The following TP53I11 variants were observed in gnomAD, a reference collection of about 807,000 sequenced individuals.
TP53I11 encodes tumor protein p53-inducible protein 11.
Under a neutral mutation model 23.3 loss-of-function variants are expected in TP53I11, and 9 were observed. The ratio of observed to expected loss-of-function variants is 0.39; its 90% CI spans 0.23 to 0.67. The LOEUF is 0.67. Ranked by LOEUF, TP53I11 falls within the 30% of genes least tolerant of loss-of-function variation. TP53I11 has a pLI of 0.48. For missense variants in TP53I11, 170 were observed against 255.2 expected, an observed-to-expected ratio of 0.67 and a Z score of 2.27; for synonymous variants, 100 against 106.1, an observed-to-expected ratio of 0.94 and a Z score of 0.35.
intron 5 of TP53I11, 24 bp from the exon 6 acceptor site, chr11:44,935,686 G>A (rs532137217): frequency 1.2e-5 from 17 of 1,381,312 alleles, no homozygotes; most frequent in Admixed American, 1.8e-5. Flanking sequence ...TGAAAAGGGG[G>A]CTGGGGGTGG....
intron 5 of TP53I11, chr11:44,935,993 G>A (rs1199586210): frequency 2.4e-6 from 1 of 419,256 alleles, no homozygotes; most frequent in African/African-American, 2.0e-5. Flanking sequence ...GTTCTGTCAG[G>A]AGGATGCTGT....
At chr11:44,938,170 C>A (rs1457269374) in intron 2 of TP53I11, 37 bp downstream of exon 2, 2 of 1,597,416 alleles carry the variant, frequency 1.3e-6, no homozygotes, top group South Asian at 2.3e-5. Flanking sequence ...GCCTGGCCTC[C>A]CCAGTGGGTG....
intron 1 of TP53I11, among the ~76,000 whole-genome samples, chr11:44,943,707 A>G (rs1019366194): frequency 1.3e-5 from 2 of 152,148 alleles, no homozygotes; most frequent in Non-Finnish European, 2.9e-5. Context: ...CACGGGTCTC[A>G]GTGTCTGCAG....
At chr11:44,942,915 A>G (rs924588319) in intron 1 of TP53I11, among the ~76,000 whole-genome samples, 1 of 152,070 alleles carries the variant, frequency 6.6e-6, no homozygotes, top group Non-Finnish European at 1.5e-5. Context: ...CACACCCCTG[A>G]GGTCTCCCCT....
In TP53I11 at chr11:44,936,518, C is replaced by G. The variant is rs2135425091; in HGVS notation, c.334+285G>C. ...TTCCTAGAGGCTGGGCCTGGGCTTC[C>G]TCCATCTCTGTACCACAACGCCCAG... On this transcript the variant is annotated intron_variant, in intron 5 of 6. Coordinates refer to ENST00000525680, the MANE Select transcript of TP53I11 (RefSeq NM_006034.5). This position sits in a 1 kb window ranked among gnomAD's most constrained non-coding sequence, Gnocchi z 4.4. 1 of 1,246,208 alleles carries G rather than the reference C, an allele frequency of 8.0e-7. No individual in the cohort carries two copies. Among genetic ancestry groups the G allele is most frequent in the South Asian group, 3.6e-5 (1 of 27,696 alleles). The allele number at this position is 1,246,208 out of a possible 1,614,324, so 77.2% of individuals were successfully genotyped here.
At position 44,934,734 on chromosome 11, in the gene TP53I11, G is replaced by A. The variant is rs1282410250; in HGVS notation, c.*150C>T. 9.3e-7 allele frequency: 1 copy of A among 1,080,860 alleles called. No homozygotes were observed. Among genetic ancestry groups the A allele is most frequent in the Non-Finnish European group, 1.3e-6 (1 of 769,910 alleles). 67.0% of individuals were successfully genotyped at this position (1,080,860 alleles called of 1,614,324 possible). A position where few individuals can be genotyped will look rare whatever the true frequency, so the allele number is the denominator to read the frequency against. On this transcript the variant is annotated 3_prime_UTR_variant, in exon 7 of 7. Coordinates refer to ENST00000525680, the MANE Select transcript of TP53I11 (RefSeq NM_006034.5). ...AGATCACAGCACACGGGGTGCCCAG[G>A]AGGAAAGGAAGGCCCCCCACCCCCT... is the stretch of plus-strand genomic sequence containing the variant.
intron 1 of TP53I11, among the ~76,000 whole-genome samples, chr11:44,944,949 G>A (rs1222571724): frequency 6.6e-6 from 1 of 152,242 alleles, no homozygotes; most frequent in Non-Finnish European, 1.5e-5. Flanking sequence ...AGGAAGCCTG[G>A]TTTCTATAGA....
chr11:44,942,433 C>CACGCACCAT (rs1861971308), intron 1 of TP53I11, among the ~76,000 whole-genome samples: 2 of 1,106 alleles, frequency 1.8e-3, no homozygotes, highest in South Asian at 0.17. Context: ...ACACCATACA[C>CACGCACCAT]ACACACACAC....
chr11:44,937,131 G>A, intron 4 of TP53I11, 173 bp downstream of exon 4: 1 of 859,400 alleles, frequency 1.2e-6, no homozygotes, highest in East Asian at 2.6e-5. Context: ...TGTGCTCCTG[G>A]AGAAGGCACA....
chr11:44,937,706 C>T, intron 2 of TP53I11, 93 bp from the exon 3 acceptor site: 1 of 1,348,266 alleles, frequency 7.4e-7, no homozygotes, highest in Non-Finnish European at 1.0e-6. Context: ...CACCCAGGGA[C>T]CAGCCTGGGC....
chr11:44,945,641 A>G (rs773756408), intron 1 of TP53I11, among the ~76,000 whole-genome samples: 5 of 152,020 alleles, frequency 3.3e-5, no homozygotes, highest in Admixed American at 2.0e-4. Flanking sequence ...CTCCAGCAGG[A>G]CTTGGGGAGG....
chr11:44,950,455 G>A (rs1862839291), intron 1 of TP53I11, among the ~76,000 whole-genome samples: 1 of 152,126 alleles, frequency 6.6e-6, no homozygotes, highest in Non-Finnish European at 1.5e-5. Context: ...AGGGGCTGCG[G>A]GACGGCGCCT....
In TP53I11 at chr11:44,950,783, G is replaced by C. The variant is rs1176935966; in HGVS notation, c.-138C>G. On this transcript the variant is annotated 5_prime_UTR_variant, in exon 1 of 7. Transcript: ENST00000525680. ...GCCCGTGCCGGGCCGGGCAGTGCAG[G>C]GCAGGGCAGGGCAGGGCAGGGCAGG... is the stretch of plus-strand genomic sequence containing the variant. 8.9e-6 allele frequency: 1 copy of C among 112,168 alleles called. No individual in the cohort carries two copies. Among genetic ancestry groups the C allele is most frequent in the Non-Finnish European group, 2.0e-5 (1 of 49,378 alleles). 6.9% of individuals were successfully genotyped at this position (112,168 alleles called of 1,614,324 possible). A position where few individuals can be genotyped will look rare whatever the true frequency, so the allele number is the denominator to read the frequency against.
At chr11:44,937,743 A>T in intron 2 of TP53I11, 130 bp from the exon 3 acceptor site, 1 of 893,382 alleles carries the variant, frequency 1.1e-6, no homozygotes, top group Non-Finnish European at 1.7e-6. Context: ...AGGTTCCCCC[A>T]GGTGGGGAGG....
intron 1 of TP53I11, among the ~76,000 whole-genome samples, chr11:44,942,048 C>CCACACACACCACACACATACCA (rs1565102635): frequency 1.4e-5 from 2 of 141,886 alleles, no homozygotes; most frequent in African/African-American, 6.1e-5. Context: ...CACATACACA[C>CCACACACACCACACACATACCA]CACACACACC....
At chr11:44,938,440 C>A (rs762895373) in intron 1 of TP53I11, 74 bp from the exon 2 acceptor site, 14 of 1,417,508 alleles carry the variant, frequency 9.9e-6, no homozygotes, top group Non-Finnish European at 1.3e-5. Context: ...GCCTGACTAG[C>A]GGAAGGCCAC....
chr11:44,940,959 C>A (rs1861692832), intron 1 of TP53I11: 1 of 152,270 alleles, frequency 6.6e-6, no homozygotes, highest in Non-Finnish European at 1.5e-5. Context: ...CTGGTTAACC[C>A]CTCTCCCAGG....
chr11:44,933,192 C>T lies in TP53I11; in HGVS notation c.*1692G>A, dbSNP rs969450748. On this transcript the variant is annotated 3_prime_UTR_variant, in exon 7 of 7. Transcript: ENST00000525680. ...ATTCTGCTCTGCCACGTTTACCAAG[C>T]AGAGTCTCGGGGCATCCGCTGTAAC... The T allele has an allele frequency of 2.0e-5, 3 of 152,312 alleles. No homozygotes were observed. Among genetic ancestry groups the T allele is most frequent in the African/African-American group, 7.2e-5 (3 of 41,460 alleles). The allele number at this position is 152,312 out of a possible 1,614,324, so 9.4% of individuals were successfully genotyped here.
chr11:44,938,162 C>G, intron 2 of TP53I11, 45 bp downstream of exon 2: 1 of 1,584,898 alleles, frequency 6.3e-7, no homozygotes. Context: ...GTGGGTCAGC[C>G]TGGCCTCCCC....
Sources: gnomAD v4.1 joint callset for allele counts (sites outside exome capture counted in the v4.1 genomes callset) on GRCh38, gnomAD v4.1.1 for gene constraint, Gnocchi (gnomAD v3.1) non-coding constraint, MANE v1.5 for transcripts, NCBI Gene and HGNC (gene_info 2026-07-23, HGNC 2026-07-21) for gene names.